MZT2B: variants seen among roughly 807,000 people sequenced by gnomAD.
MZT2B encodes mitotic-spindle organizing protein 2B.
MZT2B carries 11 observed loss-of-function variants against 12.1 expected under a neutral mutation model. The ratio of observed to expected loss-of-function variants is 0.91; its 90% CI spans 0.57 to 1.50. The LOEUF is 1.50. Ranked by LOEUF, MZT2B falls within the 40% of genes most tolerant of loss-of-function variation. MZT2B has a pLI of 0.00. For missense variants in MZT2B, 209 were observed against 227.7 expected, an observed-to-expected ratio of 0.92 and a Z score of 0.53; for synonymous variants, 85 against 109.5, an observed-to-expected ratio of 0.78 and a Z score of 1.40.
At chr2:130,188,787 A>G (rs1318607918) in intron 2 of MZT2B, among the ~76,000 whole-genome samples, 2 of 152,108 alleles carry the variant, frequency 1.3e-5, no homozygotes, top group Admixed American at 6.6e-5. Flanking sequence ...AGGGAGCTGG[A>G]GGTACCTCTG....
At position 130,182,760 on chromosome 2, in the gene MZT2B, G is replaced by A. The variant is rs901196537; in HGVS notation, c.304G>A (p.Val102Met). Residue 102 changes from valine to methionine, a missense_variant, in exon 2 of 3, where the codon GTG (valine) becomes ATG (methionine). Physicochemically the swap from Val to Met is conservative, Grantham distance 21. Coordinates refer to ENST00000281871, the MANE Select transcript of MZT2B (RefSeq NM_025029.5). The part of the protein sequence containing the change: ...PAAVSLPTSS[V>M]PETRGRNKGS... ...GGCCGTGTCTCTGCCCACGTCGAGCGTGCCCGAGACCCGAGGTCAGAGCTG... is the reference window on the plus strand; with the variant it reads ...GGCCGTGTCTCTGCCCACGTCGAGCATGCCCGAGACCCGAGGTCAGAGCTG... The A allele has an allele frequency of 2.7e-6, 4 of 1,508,956 alleles. No homozygotes were observed. Among genetic ancestry groups the A allele is most frequent in the Non-Finnish European group, 3.6e-6 (4 of 1,125,328 alleles). 93.5% of individuals were successfully genotyped at this position (1,508,956 alleles called of 1,614,324 possible). A position where few individuals can be genotyped will look rare whatever the true frequency, so the allele number is the denominator to read the frequency against.
downstream of MZT2B, among the ~76,000 whole-genome samples, chr2:130,193,288 T>C (rs1690313839): frequency 6.6e-6 from 1 of 151,756 alleles, no homozygotes; most frequent in Non-Finnish European, 1.5e-5. Context: ...CACAGATATA[T>C]AGTGTGATGA....
intron 2 of MZT2B, 188 bp downstream of exon 2, chr2:130,182,963 G>A (rs1689835381): frequency 1.2e-6 from 1 of 836,798 alleles, no homozygotes; most frequent in Non-Finnish European, 1.8e-6. Context: ...GGCACGTCCA[G>A]GTCAGGTGGA....
At chr2:130,198,646 C>T in the MZT2B span, among the ~76,000 whole-genome samples, 26 of 123,758 alleles carry the variant, frequency 2.1e-4, 6 homozygotes, top group African/African-American at 5.2e-4. Flanking sequence ...GAGGCATTTC[C>T]GGGGTGTCTT....
upstream of MZT2B, chr2:130,181,998 G>A (rs1474816061): frequency 7.3e-6 from 10 of 1,376,876 alleles, no homozygotes; most frequent in East Asian, 3.2e-4. Context: ...CCACCTAAGC[G>A]AGCACGACCA....
rs1689797889 is a variant in MZT2B, at chr2:130,182,718, G to A, written c.262G>A (p.Glu88Lys). 1 of 1,539,348 alleles carries A rather than the reference G, an allele frequency of 6.5e-7. No homozygotes were observed. Among genetic ancestry groups the A allele is most frequent in the African/African-American group, 1.4e-5 (1 of 72,910 alleles). Residue 88 changes from glutamate (E) to lysine (K), a missense_variant, in exon 2 of 3, where the codon GAG (glutamate) becomes AAG (lysine). Coordinates refer to ENST00000281871, the MANE Select transcript of MZT2B (RefSeq NM_025029.5). ...SMCAGQRLASEPQDPAAVSLP... is the reference protein window; with the variant it reads ...SMCAGQRLASKPQDPAAVSLP... ...GTGTGCCGGGCAGAGGCTAGCGAGCGAGCCCCAGGACCCTGCGGCCGTGTC... is the reference window on the plus strand; with the variant it reads ...GTGTGCCGGGCAGAGGCTAGCGAGCAAGCCCCAGGACCCTGCGGCCGTGTC...
downstream of MZT2B, among the ~76,000 whole-genome samples, chr2:130,193,170 G>A (rs115410310): frequency 0.026 from 3,971 of 151,626 alleles, 194 homozygotes; most frequent in African/African-American, 0.092. Flanking sequence ...TGAGAGAATC[G>A]CTAGAGTCTG....
the MZT2B span, chr2:130,202,218 C>T: frequency 9.8e-7 from 1 of 1,016,666 alleles, no homozygotes; most frequent in African/African-American, 1.7e-5. Context: ...AAAAAACAGT[C>T]CTGTGAATTA....
intron 2 of MZT2B, chr2:130,184,065 G>A (rs1261094012): frequency 3.2e-6 from 5 of 1,549,294 alleles, no homozygotes; most frequent in South Asian, 1.2e-5. Flanking sequence ...AGCTCCAAGG[G>A]CAGGACCATG....
intron 2 of MZT2B, chr2:130,183,594 C>G: frequency 1.1e-6 from 1 of 910,060 alleles, no homozygotes; most frequent in Non-Finnish European, 1.8e-6. Context: ...AGAGCTGGCT[C>G]CCTGCCTGGA....
downstream of MZT2B, among the ~76,000 whole-genome samples, chr2:130,193,444 A>G (rs1163834675): frequency 6.6e-6 from 1 of 150,970 alleles, no homozygotes; most frequent in Non-Finnish European, 1.5e-5. Context: ...CCCCGTCTCT[A>G]CTAAAAATAC....
chr2:130,183,648 G>A (rs1689910866), intron 2 of MZT2B: 3 of 1,409,090 alleles, frequency 2.1e-6, no homozygotes, highest in African/African-American at 2.9e-5. Context: ...GGCGTGGAGA[G>A]CAGGCTGCCT....
At chr2:130,182,218 G>A (rs1238574063), upstream of MZT2B, 5 of 1,233,892 alleles carry the variant, frequency 4.1e-6, no homozygotes, top group Non-Finnish European at 5.0e-6. Flanking sequence ...TGCAGGGAGA[G>A]GGTGGTGGGC....
chr2:130,183,719 C>T (rs1266595014), intron 2 of MZT2B: 46 of 1,550,324 alleles, frequency 3.0e-5, no homozygotes, highest in Non-Finnish European at 4.0e-5. Flanking sequence ...GGCCCGGGCA[C>T]CTGCGTGCTG....
chr2:130,195,198 G>A, downstream of MZT2B: 1 of 1,614,058 alleles, frequency 6.2e-7, no homozygotes, highest in Non-Finnish European at 8.5e-7. Context: ...GGGTGGAAGA[G>A]CTGCCTGTAG....
chr2:130,195,091 C>T, downstream of MZT2B: 1 of 1,612,834 alleles, frequency 6.2e-7, no homozygotes, highest in South Asian at 1.1e-5. Context: ...GTTTGCGGAT[C>T]CGGTCCAGGA....
At chr2:130,181,857 C>T (rs748256316), upstream of MZT2B, 30 of 1,535,368 alleles carry the variant, frequency 2.0e-5, no homozygotes, top group East Asian at 2.5e-5. Context: ...ATTAGTGCCC[C>T]CCCCTTCCCC....
the MZT2B span, among the ~76,000 whole-genome samples, chr2:130,199,204 ACT>A: frequency 8.5e-6 from 1 of 118,106 alleles, no homozygotes; most frequent in African/African-American, 3.1e-5. Context: ...ACAGAGCCAG[ACT>A]CTGTCTCAAA....
chr2:130,189,694 C>G (rs1376843852), intron 2 of MZT2B, among the ~76,000 whole-genome samples: 4 of 152,332 alleles, frequency 2.6e-5, no homozygotes, highest in East Asian at 1.9e-4. Context: ...CCAGGGAAAT[C>G]CATCCCATTA....
Sources: allele counts gnomAD v4.1 joint callset (sites outside exome capture counted in the v4.1 genomes callset), GRCh38; gene constraint gnomAD v4.1.1; transcripts MANE v1.5; gene names NCBI Gene and HGNC (gene_info 2026-07-23, HGNC 2026-07-21).